The following CFAP65 variants were observed in gnomAD, a reference collection of about 807,000 sequenced individuals.
CFAP65 encodes cilia- and flagella-associated protein 65.
Under a neutral mutation model 208.0 loss-of-function variants are expected in CFAP65, and 155 were observed. The ratio of observed to expected loss-of-function variants is 0.75; its 90% CI spans 0.65 to 0.85. CFAP65 has a LOEUF of 0.85. CFAP65 is among the 40% of genes least tolerant of loss of function. The pLI is 0.00. For missense variants in CFAP65, 2,294 were observed against 2,451.3 expected, an observed-to-expected ratio of 0.94 and a Z score of 1.36; for synonymous variants, 970 against 986.3, an observed-to-expected ratio of 0.98 and a Z score of 0.31.
At position 219,005,561 on chromosome 2, in the gene CFAP65, C is replaced by T. The variant is rs1337432633; in HGVS notation, c.4924G>A (p.Glu1642Lys). The change falls in exon 32 of 35, where the codon GAG (glutamate) becomes AAG (lysine). Residue 1642 changes from glutamate (E) to lysine (K), a missense_variant and splice_region_variant. Glu to Lys is a moderately conservative substitution (Grantham distance 56, BLOSUM62 1). Coordinates refer to ENST00000341552, the MANE Select transcript of CFAP65 (RefSeq NM_194302.4). ...SEFPCHFLHR[E>K]LPKRKAPREE... is the part of the protein sequence containing the mutation. Reference sequence around the variant, plus strand: ...CTGGGGGCCTTCCTCTTTGGCAGCTCCCTGTGGCAGCCATGACATTCTGAG... The same window carrying T: ...CTGGGGGCCTTCCTCTTTGGCAGCTTCCTGTGGCAGCCATGACATTCTGAG... 1.2e-6 allele frequency: 2 copies of T among 1,611,164 alleles called. No homozygotes were observed. Among genetic ancestry groups the T allele is most frequent in the East Asian group, 4.5e-5 (2 of 44,876 alleles).
At chr2:219,016,181 G>A (rs1009231700) in intron 21 of CFAP65, among the ~76,000 whole-genome samples, 1 of 151,752 alleles carries the variant, frequency 6.6e-6, no homozygotes, top group Admixed American at 6.6e-5. Context: ...TCATTTTATT[G>A]TGGATATTCA....
In CFAP65 at chr2:219,027,705, G is replaced by A. The variant is rs377355595; in HGVS notation, c.2156C>T (p.Pro719Leu). 2.1e-5 allele frequency: 34 copies of A among 1,614,058 alleles called. No homozygotes were observed. The highest frequency in any genetic ancestry group is 4.5e-5 in the East Asian group (2 of 44,874). The change falls in exon 13 of 35, where the codon CCG becomes CTG. Residue 719 changes from proline (P) to leucine (L), a missense_variant. This residue lies in a region of CFAP65 where 867 missense variants were observed against 1,012.6 expected (regional missense o/e 0.86). Transcript: ENST00000341552. The stretch of plus-strand genomic sequence containing the variant: ...CGTGTAAAGGCAGTTGGGGTGAGGC[G>A]GCTGGAAGTGCAGGCGCATGGCCAT... ...KSMAMRLHFQ[P>L]PHPNCLYTVE...
rs912273971 is a variant in CFAP65, at chr2:219,009,926, C to T, written c.4452+16G>A. 2 of 1,599,516 alleles carry T rather than the reference C, an allele frequency of 1.3e-6. No homozygotes were observed. Among genetic ancestry groups the T allele is most frequent in the South Asian group, 1.1e-5 (1 of 87,826 alleles). On this transcript the variant is annotated intron_variant, in intron 27 of 34. Transcript: ENST00000341552. ...TGGAGCTCTGATGGAGGTTCCAGGGCTCAGGGGACTCTCACCTCCCCAAAA... is the reference window on the plus strand; with the variant it reads ...TGGAGCTCTGATGGAGGTTCCAGGGTTCAGGGGACTCTCACCTCCCCAAAA...
In CFAP65 at chr2:219,038,434, T is replaced by C; in HGVS notation, c.298A>G (p.Ile100Val). 6.2e-7 allele frequency: 1 copy of C among 1,613,954 alleles called. No homozygotes were observed. Among genetic ancestry groups the C allele is most frequent in the Non-Finnish European group, 8.5e-7 (1 of 1,180,020 alleles). Residue 100 changes from isoleucine (I) to valine (V), a missense_variant, in exon 4 of 35, where the codon ATC becomes GTC. Ile to Val is a conservative substitution (Grantham distance 29, BLOSUM62 3). This residue lies in a region of CFAP65 where 867 missense variants were observed against 1,012.6 expected (regional missense o/e 0.86). Transcript: ENST00000341552. ...GCACTGCTGTCGTTGATGGCAGGGA[T>C]GGCCACTGTGCTGGCACTCAGGCAG... ...GSCLSASTVA[I>V]PAINDSSAAM...
At chr2:219,022,087 A>C (rs1574594275) in intron 17 of CFAP65, 84 bp downstream of exon 17, 1 of 1,512,572 alleles carries the variant, frequency 6.6e-7, no homozygotes. Flanking sequence ...CTTCCCTCCC[A>C]CCTTGGGAGG....
chr2:219,005,998 C>A, intron 31 of CFAP65, 23 bp downstream of exon 31: 1 of 1,608,606 alleles, frequency 6.2e-7, no homozygotes, highest in Non-Finnish European at 8.5e-7. Flanking sequence ...AGGAAGGTGA[C>A]CCCTGCCTTC....
At chr2:219,010,498 G>C (rs1458088571) in intron 26 of CFAP65, 48 bp downstream of exon 26, 1 of 1,578,592 alleles carries the variant, frequency 6.3e-7, no homozygotes. Context: ...CCTGGGCTCT[G>C]AGGCTCTCCC....
rs138878703 is a variant in CFAP65, at chr2:219,009,364, C to T, written c.4549G>A (p.Ala1517Thr). The change falls in exon 28 of 35, where the codon GCA (alanine) becomes ACA (threonine). Residue 1517 changes from alanine (A) to threonine (T), a missense_variant. Ala to Thr is a moderately conservative substitution (Grantham distance 58). Around this residue, in one of 2 missense-constraint regions of CFAP65, gnomAD observed 1,427 missense variants for 1,438.7 expected, o/e 0.99. Transcript: ENST00000341552. ...RASVHASFYSADLVCKLYSQQ... is the reference protein window; with the variant it reads ...RASVHASFYSTDLVCKLYSQQ... ...GTTCCTACCTTGCATACCAGGTCTG[C>T]ACTGTAGAAGCTGGCATGCACAGAG... is the stretch of plus-strand genomic sequence containing the variant. 2.9e-5 allele frequency: 46 copies of T among 1,612,230 alleles called. No individual in the cohort carries two copies. In the Admixed American group the frequency reaches 5.3e-4, roughly 19 times the overall value.
At position 219,010,074 on chromosome 2, in the gene CFAP65, C is replaced by G; in HGVS notation, c.4320G>C (p.Leu1440=). Reference sequence around the variant, plus strand: ...TTCCCAGGGAAATATGAGACTGGGACAGGAAGACATTCTGTGGGTGGAGAG... The same window carrying G: ...TTCCCAGGGAAATATGAGACTGGGAGAGGAAGACATTCTGTGGGTGGAGAG... ...RLVVPGQNVF[L]SQSHISLGNI... is the part of the protein sequence containing the mutation. Residue 1440 remains leucine (L), a synonymous_variant, in exon 27 of 35, where the codon CTG becomes CTC. Coordinates refer to ENST00000341552, the MANE Select transcript of CFAP65 (RefSeq NM_194302.4). 2 of 1,598,110 alleles carry G rather than the reference C, an allele frequency of 1.3e-6. No homozygotes were observed. Among genetic ancestry groups the G allele is most frequent in the South Asian group, 2.3e-5 (2 of 88,564 alleles).
In CFAP65 at chr2:219,003,971, C is replaced by G. The variant is rs150073241; in HGVS notation, c.5536G>C (p.Glu1846Gln). Residue 1846 changes from glutamate to glutamine, a missense_variant, in exon 33 of 35, where the codon GAG becomes CAG. This residue lies in a region of CFAP65 where 1,427 missense variants were observed against 1,438.7 expected (regional missense o/e 0.99). Coordinates refer to ENST00000341552, the MANE Select transcript of CFAP65 (RefSeq NM_194302.4). This position sits in a 1 kb window ranked among gnomAD's most constrained non-coding sequence, Gnocchi z 4.4. Reference protein sequence around the residue: ...VMVKEEQEQDEKEAIRRLPAF... With the variant: ...VMVKEEQEQDQKEAIRRLPAF... The stretch of plus-strand genomic sequence containing the variant: ...GCTCACCTTCTGATGGCCTCCTTCT[C>G]GTCCTGTTCTTGCTCCTCCTTCACC... 6.2e-7 allele frequency: 1 copy of G among 1,613,060 alleles called. No homozygotes were observed. Among genetic ancestry groups the G allele is most frequent in the Non-Finnish European group, 8.5e-7 (1 of 1,179,386 alleles).
At position 219,031,492 on chromosome 2, in the gene CFAP65, A is replaced by G. The variant is rs1350468108; in HGVS notation, c.812T>C (p.Val271Ala). ...TTEAFFCLDN[V>A]GDLPTFFTWE... is the part of the protein sequence containing the mutation. ...CGCACCTCAGCCTCTTCCTCACCCC[A>G]CATTATCCAGGCAGAAAAAGGCCTC... The change falls in exon 7 of 35, where the codon GTG becomes GCG. Residue 271 changes from valine (V) to alanine (A), a missense_variant. By Grantham distance (64) the Val-to-Ala change is moderately conservative (BLOSUM62 0). Transcript: ENST00000341552. This position sits in a 1 kb window ranked among gnomAD's most constrained non-coding sequence, Gnocchi z 5.2. 1.2e-6 allele frequency: 2 copies of G among 1,614,092 alleles called. No individual in the cohort carries two copies. Among genetic ancestry groups the G allele is most frequent in the East Asian group, 2.2e-5 (1 of 44,884 alleles).
At chr2:219,037,694 T>G (rs773681627) in intron 4 of CFAP65, among the ~76,000 whole-genome samples, 2 of 152,038 alleles carry the variant, frequency 1.3e-5, no homozygotes, top group Non-Finnish European at 2.9e-5. Context: ...GGGCAGTGAG[T>G]GAATCCAAGG....
At chr2:219,022,894 C>T (rs913371983) in intron 16 of CFAP65, among the ~76,000 whole-genome samples, 5 of 152,366 alleles carry the variant, frequency 3.3e-5, no homozygotes, top group Admixed American at 1.3e-4. Flanking sequence ...TCCCAATGAC[C>T]TCCCAGCTTT....
At chr2:219,014,209 G>A in intron 21 of CFAP65, 165 bp from the exon 22 acceptor site, 3 of 529,056 alleles carry the variant, frequency 5.7e-6, no homozygotes, top group Non-Finnish European at 9.6e-6. Context: ...TGTGGCTGTT[G>A]TGGATTCTCG....
rs1020705926 is a variant in CFAP65, at chr2:219,028,233, C to T, written c.1819G>A (p.Asp607Asn). ...AMLKEKKLAQ[D>N]QNGALMIPIQ... ...GGAATCATGAGAGCCCCGTTCTGGT[C>T]CTGTGCCAGCTTCTTCTCCTTCAGC... Residue 607 changes from aspartate to asparagine, a missense_variant, in exon 12 of 35, where the codon GAC becomes AAC. Asp to Asn is a conservative substitution (Grantham distance 23). Coordinates refer to ENST00000341552, the MANE Select transcript of CFAP65 (RefSeq NM_194302.4). 10 of 1,613,944 alleles carry T rather than the reference C, an allele frequency of 6.2e-6. No homozygotes were observed. The highest frequency in any genetic ancestry group is 8.5e-7 in the Non-Finnish European group (1 of 1,179,984).
At chr2:219,041,237 C>T (rs929120659) in intron 1 of CFAP65, among the ~76,000 whole-genome samples, 3 of 152,088 alleles carry the variant, frequency 2.0e-5, no homozygotes, top group African/African-American at 7.2e-5. Flanking sequence ...CGTATAGAGT[C>T]GAGGGAGAAA....
At position 219,032,647 on chromosome 2, in the gene CFAP65, G is replaced by A. The variant is rs1054668729; in HGVS notation, c.543-75C>T. 13 of 1,332,408 alleles carry A rather than the reference G, an allele frequency of 9.8e-6. No individual in the cohort carries two copies. Among genetic ancestry groups the A allele is most frequent in the Non-Finnish European group, 1.3e-5 (12 of 957,278 alleles). The allele number at this position is 1,332,408 out of a possible 1,614,324, so 82.5% of individuals were successfully genotyped here. A position where few individuals can be genotyped will look rare whatever the true frequency, so the allele number is the denominator to read the frequency against. ...CTGGAAGAGGCAGGAAACGAGGGAA[G>A]CCCTGCAGCCAAGGGAGCTTGAGTC... On this transcript the variant is annotated intron_variant, in intron 5 of 34. Coordinates refer to ENST00000341552, the MANE Select transcript of CFAP65 (RefSeq NM_194302.4). This position sits in a 1 kb window ranked among gnomAD's most constrained non-coding sequence, Gnocchi z 5.5.
Position 219,041,491 on chromosome 2 carries a change from G to A in CFAP65, c.-52C>T, listed in dbSNP as rs1463446580. 6.4e-7 allele frequency: 1 copy of A among 1,550,522 alleles called. No homozygotes were observed. The highest frequency in any genetic ancestry group is 1.2e-5 in the South Asian group (1 of 84,052). On this transcript the variant is annotated 5_prime_UTR_variant, in exon 1 of 35. The change creates a premature stop within an existing upstream ORF in the 5' untranslated region. Transcript: ENST00000341552. Reference sequence around the variant, plus strand: ...GGGACTAACGCTCAGAACTTACATCGCCTCCATATTGCCGTCTCCATAGAT... The same window carrying A: ...GGGACTAACGCTCAGAACTTACATCACCTCCATATTGCCGTCTCCATAGAT...
In CFAP65 at chr2:219,032,440, C is replaced by A; in HGVS notation, c.645+30G>T. The stretch of plus-strand genomic sequence containing the variant: ...TGAGGTCACTGCTCCCAGGTACCTC[C>A]CTGCCCTCACTCGCTGTGGCAGACC... On this transcript the variant is annotated intron_variant, in intron 6 of 34. Transcript: ENST00000341552. This position sits in a 1 kb window ranked among gnomAD's most constrained non-coding sequence, Gnocchi z 5.5. 1 of 1,548,906 alleles carries A rather than the reference C, an allele frequency of 6.5e-7. No homozygotes were observed.
Sources: allele counts gnomAD v4.1 joint callset (sites outside exome capture counted in the v4.1 genomes callset), GRCh38; gene constraint gnomAD v4.1.1; regional missense constraint gnomAD v4.1.1; non-coding constraint Gnocchi (gnomAD v3.1); transcripts MANE v1.5; gene names NCBI Gene and HGNC (gene_info 2026-07-23, HGNC 2026-07-21).